Variants in UNC79 observed in about 807,000 individuals in gnomAD.
UNC79 encodes protein unc-79 homolog.
Under a neutral mutation model 283.1 loss-of-function variants are expected in UNC79, and 37 were observed. The ratio of observed to expected loss-of-function variants is 0.13; its 90% CI spans 0.10 to 0.17. The LOEUF (loss-of-function observed/expected upper bound fraction) is 0.17, where lower values mean the gene tolerates loss of function less well. Among genes scored for constraint, UNC79 ranks in the 10% least tolerant of loss-of-function variants. The pLI is 1.00. For missense variants in UNC79, 2,272 were observed against 3,211.1 expected (o/e 0.71, Z 7.07); for synonymous variants, 1,107 against 1,200.2 (o/e 0.92, Z 1.61).
intron 46 of UNC79, among the ~76,000 whole-genome samples, chr14:93,693,698 A>G (rs961599419): frequency 2.6e-5 from 4 of 152,212 alleles, no homozygotes; most frequent in Admixed American, 2.6e-4. Flanking sequence ...GACACTGTGT[A>G]GAAAGGATCA....
chr14:93,467,655 T>TATA lies in UNC79; in HGVS notation c.23-16_23-15insATA. The TATA allele has an allele frequency of 8.6e-7, 1 of 1,157,450 alleles. No individual in the cohort carries two copies. 71.7% of individuals were successfully genotyped at this position (1,157,450 alleles called of 1,614,324 possible). A position where few individuals can be genotyped will look rare whatever the true frequency, so the allele number is the denominator to read the frequency against. Reference sequence around the variant, plus strand: ...TTTTTTTTTTTTTTTTTTTTTTTTTTTTTGCTTTTATCTAGTTGCTTCCAA... The same window carrying TATA: ...TTTTTTTTTTTTTTTTTTTTTTTTTTATATTTGCTTTTATCTAGTTGCTTCCAA... On this transcript the variant is annotated splice_polypyrimidine_tract_variant and intron_variant, in intron 1 of 48. Transcript: ENST00000555664.
chr14:93,386,927 C>CTTTTTTTTTTTTTTTTTTTTTTT lies in UNC79; in HGVS notation c.-351+53414_-351+53436dup, dbSNP rs35267402. 1.5e-4 allele frequency among the ~76,000 whole-genome samples: 4 copies of CTTTTTTTTTTTTTTTTTTTTTTT among 27,162 alleles called. 2 individuals are homozygous for CTTTTTTTTTTTTTTTTTTTTTTT. Among genetic ancestry groups the CTTTTTTTTTTTTTTTTTTTTTTT allele is most frequent in the Non-Finnish European group, 2.4e-4 (4 of 16,380 alleles). The allele number at this position is 27,162 out of a possible 152,430, so 17.8% of individuals were successfully genotyped here. On this transcript the variant is annotated intron_variant, in intron 1 of 49. Transcript: ENST00000256339. Reference sequence around the variant, plus strand: ...TTCATTTCAATTTCATGTATTTCTGCTTTTTTTTTTTTTTTTTTTTTTTTT... The same window carrying CTTTTTTTTTTTTTTTTTTTTTTT: ...TTCATTTCAATTTCATGTATTTCTGCTTTTTTTTTTTTTTTTTTTTTTTTTTTTTTTTTTTTTTTTTTTTTTTT...
intron 5 of UNC79, among the ~76,000 whole-genome samples, chr14:93,493,879 A>ATG (rs2058861325): frequency 3.2e-5 from 2 of 62,998 alleles, no homozygotes; most frequent in African/African-American, 6.4e-5. Context: ...TGCCACATAT[A>ATG]TATATATATA....
chr14:93,333,388 G>A lies in UNC79; in HGVS notation c.-486G>A, dbSNP rs557515755. 1.5e-5 allele frequency: 6 copies of A among 398,622 alleles called. No individual in the cohort carries two copies. The East Asian group carries it at 2.1e-4, about 14-fold the overall frequency. The allele number at this position is 398,622 out of a possible 1,614,324, so 24.7% of individuals were successfully genotyped here. A position where few individuals can be genotyped will look rare whatever the true frequency, so the allele number is the denominator to read the frequency against. On this transcript the variant is annotated 5_prime_UTR_variant, in exon 1 of 50. Coordinates refer to the UNC79 transcript ENST00000256339. Reference sequence around the variant, plus strand: ...GCCATTTCCACGAATTCATGTTTCCGTTCGGCGGCCGGCGTCCCTCGGGTG... The same window carrying A: ...GCCATTTCCACGAATTCATGTTTCCATTCGGCGGCCGGCGTCCCTCGGGTG...
chr14:93,609,575 T>G (rs535557118), intron 26 of UNC79, among the ~76,000 whole-genome samples: 1 of 152,218 alleles, frequency 6.6e-6, no homozygotes. Context: ...CTTTAACATG[T>G]TAAATCTCTA....
At chr14:93,471,512 A>G (rs1437556140) in intron 2 of UNC79, among the ~76,000 whole-genome samples, 1 of 151,894 alleles carries the variant, frequency 6.6e-6, no homozygotes. Context: ...AACTGTGGGA[A>G]AGAATTTCAG....
At chr14:93,376,812 A>G (rs2139978726) in intron 1 of UNC79, among the ~76,000 whole-genome samples, 1 of 151,114 alleles carries the variant, frequency 6.6e-6, no homozygotes, top group South Asian at 2.1e-4. Flanking sequence ...GTTTGTATAC[A>G]AAGTTAGGTT....
intron 32 of UNC79, among the ~76,000 whole-genome samples, chr14:93,639,771 T>G (rs2068853498): frequency 6.6e-6 from 1 of 152,228 alleles, no homozygotes. Flanking sequence ...CAACACTATT[T>G]TTTCTTCCGA....
chr14:93,439,718 A>G (rs1042424522), intron 1 of UNC79, among the ~76,000 whole-genome samples: 2 of 152,136 alleles, frequency 1.3e-5, no homozygotes, highest in Admixed American at 6.6e-5. Context: ...CTGTAAAACA[A>G]TCTGGCCTGT....
intron 7 of UNC79, among the ~76,000 whole-genome samples, chr14:93,510,694 C>T (rs996452711): frequency 6.6e-6 from 1 of 152,192 alleles, no homozygotes; most frequent in Non-Finnish European, 1.5e-5. Flanking sequence ...TCGGAGACTG[C>T]CTCAGCCTGG....
intron 29 of UNC79, among the ~76,000 whole-genome samples, chr14:93,619,646 T>C (rs557651811): frequency 4.6e-5 from 7 of 152,338 alleles, no homozygotes; most frequent in African/African-American, 1.7e-4. Context: ...TTAAAAAGTT[T>C]AGTATGGTTA....
At chr14:93,666,962 A>G (rs1417092211) in intron 40 of UNC79, among the ~76,000 whole-genome samples, 3 of 152,130 alleles carry the variant, frequency 2.0e-5, no homozygotes, top group Non-Finnish European at 4.4e-5. Flanking sequence ...ACAATTAGCC[A>G]GTGTGATAGC....
intron 1 of UNC79, among the ~76,000 whole-genome samples, chr14:93,346,299 A>G (rs908094310): frequency 6.6e-6 from 1 of 152,210 alleles, no homozygotes; most frequent in Non-Finnish European, 1.5e-5. Context: ...GGATCATTGT[A>G]GTGGATAAAG....
At chr14:93,647,447 G>A (rs987082961) in intron 35 of UNC79, among the ~76,000 whole-genome samples, 9 of 152,204 alleles carry the variant, frequency 5.9e-5, no homozygotes, top group African/African-American at 2.2e-4. Context: ...TTTTTGAGGA[G>A]GTAATATTTG....
chr14:93,551,016 T>C, intron 14 of UNC79, among the ~76,000 whole-genome samples: 1 of 151,748 alleles, frequency 6.6e-6, no homozygotes. Context: ...GCTGGTAGGA[T>C]TTATTTTTTA....
At chr14:93,357,006 C>A (rs1224475836) in intron 1 of UNC79, among the ~76,000 whole-genome samples, 1 of 152,180 alleles carries the variant, frequency 6.6e-6, no homozygotes, top group South Asian at 2.1e-4. Context: ...TCTCACCCTC[C>A]TTCCACCCTT....
chr14:93,487,089 G>C (rs2058479208), intron 4 of UNC79, among the ~76,000 whole-genome samples: 1 of 152,036 alleles, frequency 6.6e-6, no homozygotes. Flanking sequence ...TACACGTGAA[G>C]GTTTGAATAA....
At chr14:93,359,122 T>C (rs945013184) in intron 1 of UNC79, among the ~76,000 whole-genome samples, 3 of 152,242 alleles carry the variant, frequency 2.0e-5, no homozygotes, top group Admixed American at 1.3e-4. Context: ...CATTTAATGT[T>C]GTAGCTTGGG....
intron 1 of UNC79, among the ~76,000 whole-genome samples, chr14:93,449,279 T>C (rs546975296): frequency 1.3e-5 from 2 of 152,180 alleles, no homozygotes; most frequent in Non-Finnish European, 2.9e-5. Context: ...TTTTACCATA[T>C]TTAAGCTGAT....
Sources: allele counts gnomAD v4.1 joint callset (sites outside exome capture counted in the v4.1 genomes callset), GRCh38; gene constraint gnomAD v4.1.1; transcripts MANE v1.5; gene names NCBI Gene and HGNC (gene_info 2026-07-23, HGNC 2026-07-21).